Variants in ZNF714 observed in about 807,000 individuals in gnomAD.
ZNF714 encodes zinc finger protein 714.
In ZNF714, 32 loss-of-function variants were observed where a neutral mutation model predicts 46.2. That is an observed-to-expected ratio of 0.69 (90% CI 0.52 to 0.93). ZNF714 has a LOEUF of 0.93. Among genes scored for constraint, ZNF714 ranks in the 40% least tolerant of loss-of-function variants. ZNF714 has a pLI of 0.00. For synonymous variants in ZNF714, 199 were observed against 213.1 expected, an observed-to-expected ratio of 0.93 and a Z score of 0.58; for missense variants, 635 against 646.3, an observed-to-expected ratio of 0.98 and a Z score of 0.19.
intron 4 of ZNF714, among the ~76,000 whole-genome samples, chr19:21,103,581 A>G (rs1033013160): frequency 4.6e-5 from 7 of 151,948 alleles, no homozygotes; most frequent in Non-Finnish European, 7.4e-5. Context: ...AACAGTAAAA[A>G]CATATTAAAA....
chr19:21,112,254 C>T (rs558845141), intron 4 of ZNF714, among the ~76,000 whole-genome samples: 1 of 152,104 alleles, frequency 6.6e-6, no homozygotes, highest in East Asian at 1.9e-4. Flanking sequence ...TATTTGTTAC[C>T]GCCTCAGTGT....
rs1969759826 is a variant in ZNF714, at chr19:21,124,391, A to G, written c.*6059A>G. 6.6e-6 allele frequency among the ~76,000 whole-genome samples: 1 copy of G among 152,196 alleles called. No individual in the cohort carries two copies. Among genetic ancestry groups the G allele is most frequent in the African/African-American group, 2.4e-5 (1 of 41,454 alleles). Reference sequence around the variant, plus strand: ...AGAGTTCCTATGATTATGACTAAAAAATTAAATGACAATAGTCCCCAAACT... The same window carrying G: ...AGAGTTCCTATGATTATGACTAAAAGATTAAATGACAATAGTCCCCAAACT... On this transcript the variant is annotated 3_prime_UTR_variant, in exon 5 of 5. Coordinates refer to ENST00000456283, the MANE Select transcript of ZNF714 (RefSeq NM_182515.4).
chr19:21,116,571 C>T (rs1453842482), intron 4 of ZNF714, among the ~76,000 whole-genome samples: 1 of 152,050 alleles, frequency 6.6e-6, no homozygotes, highest in Non-Finnish European at 1.5e-5. Flanking sequence ...CTTTGCATTC[C>T]TGTGTACTCA....
At chr19:21,102,589 A>G (rs1599541958) in intron 4 of ZNF714, among the ~76,000 whole-genome samples, 1 of 152,182 alleles carries the variant, frequency 6.6e-6, no homozygotes, top group African/African-American at 2.4e-5. Context: ...AAATTATCAC[A>G]TTTCTTTTAC....
chr19:21,123,778 AT>A lies in ZNF714; in HGVS notation c.*5447del, dbSNP rs1382078906. 1 of 152,114 alleles carries A rather than the reference AT, an allele frequency of 6.6e-6. No homozygotes were observed. Among genetic ancestry groups the A allele is most frequent in the Non-Finnish European group, 1.5e-5 (1 of 68,036 alleles). 9.4% of individuals were successfully genotyped at this position (152,114 alleles called of 1,614,324 possible). A position where few individuals can be genotyped will look rare whatever the true frequency, so the allele number is the denominator to read the frequency against. On this transcript the variant is annotated 3_prime_UTR_variant, in exon 5 of 5. Coordinates refer to ENST00000456283, the MANE Select transcript of ZNF714 (RefSeq NM_182515.4). ...CTCTGAATTTAAAATTTAGAAAAAT[AT>A]GTCTTTTCTATATTGATTTTACAAT...
rs557153847 is a variant in ZNF714 at position 21,119,952 on chromosome 19, T to G, written c.*1620T>G. ...ATAATGATGTCATTCAACTCTGAAA[T>G]TCCTGCCGTTTCTTCATTCCTATTG... is the stretch of plus-strand genomic sequence containing the variant. On this transcript the variant is annotated 3_prime_UTR_variant, in exon 5 of 5. Transcript: ENST00000456283. The G allele has an allele frequency of 1.3e-5, 2 of 152,362 alleles. No individual in the cohort carries two copies. Among genetic ancestry groups the G allele is most frequent in the African/African-American group, 4.8e-5 (2 of 41,590 alleles). 9.4% of individuals were successfully genotyped at this position (152,362 alleles called of 1,614,324 possible). A position where few individuals can be genotyped will look rare whatever the true frequency, so the allele number is the denominator to read the frequency against.
At chr19:21,114,560 C>T (rs1296371824) in intron 4 of ZNF714, among the ~76,000 whole-genome samples, 2 of 151,942 alleles carry the variant, frequency 1.3e-5, no homozygotes, top group African/African-American at 4.8e-5. Context: ...AAGTGGGTCT[C>T]TTGAATACAG....
intron 4 of ZNF714, among the ~76,000 whole-genome samples, chr19:21,112,816 A>ATTTTTTGTTTTT (rs1969482257): frequency 2.3e-5 from 1 of 43,210 alleles, no homozygotes; most frequent in African/African-American, 7.7e-5. Context: ...TTTATTTCTG[A>ATTTTTTGTTTTT]TTTTTTTTTT....
At chr19:21,089,139 A>C (rs1458063639) in intron 2 of ZNF714, among the ~76,000 whole-genome samples, 1 of 152,114 alleles carries the variant, frequency 6.6e-6, no homozygotes, top group Admixed American at 6.5e-5. Context: ...CAGATAATGC[A>C]ATGCAAAACA....
intron 4 of ZNF714, chr19:21,113,163 C>G (rs1969499877): frequency 6.6e-6 from 1 of 152,168 alleles, no homozygotes; most frequent in Non-Finnish European, 1.5e-5. Context: ...GTGGTCTCCC[C>G]TCCAAGTCCC....
chr19:21,111,723 T>C (rs746281206), intron 4 of ZNF714, among the ~76,000 whole-genome samples: 4 of 152,212 alleles, frequency 2.6e-5, no homozygotes, highest in Non-Finnish European at 4.4e-5. Context: ...GAGTTTGTCA[T>C]AGATAGTTCT....
chr19:21,084,160 A>T, intron 2 of ZNF714, 91 bp downstream of exon 2: 1 of 426,656 alleles, frequency 2.3e-6, no homozygotes, highest in South Asian at 9.6e-5. Context: ...AAATAAATGT[A>T]GTGAAAGAAA....
chr19:21,088,748 T>C (rs1968842018), intron 2 of ZNF714, among the ~76,000 whole-genome samples: 1 of 152,198 alleles, frequency 6.6e-6, no homozygotes, highest in Admixed American at 6.5e-5. Flanking sequence ...TTGTAAGGTT[T>C]TTCTTTGTCA....
At chr19:21,089,761 T>A (rs1348146418) in intron 2 of ZNF714, among the ~76,000 whole-genome samples, 1 of 151,670 alleles carries the variant, frequency 6.6e-6, no homozygotes. Context: ...TACAACAGAT[T>A]TGTTACAGCT....
intron 4 of ZNF714, among the ~76,000 whole-genome samples, chr19:21,113,500 T>G (rs1969510891): frequency 1.0e-5 from 1 of 97,492 alleles, no homozygotes. Context: ...TTTTTTTCTT[T>G]TCTTTTTTCT....
In ZNF714 at chr19:21,104,711, C is replaced by G. The variant is rs189476146; in HGVS notation, c.142+5801C>G. 3.5e-3 allele frequency among the ~76,000 whole-genome samples: 525 copies of G among 151,962 alleles called. 4 individuals are homozygous for G. Among genetic ancestry groups the G allele is most frequent in the African/African-American group, 0.012 (497 of 41,462 alleles). ...CACTGCAACCTCCGCCTCCTGGATT[C>G]CAACAATTCTCCTGCCTCAGCCTCC... On this transcript the variant is annotated intron_variant, in intron 4 of 4. Coordinates refer to ENST00000456283, the MANE Select transcript of ZNF714 (RefSeq NM_182515.4).
rs200665308 is a variant in ZNF714, at chr19:21,084,267, C to CA, written c.-85+204dup. Among the ~76,000 whole-genome samples the CA allele has an allele frequency of 7.2e-3, 1,095 of 151,378 alleles. 15 individuals carry two copies. The highest frequency in any genetic ancestry group is 0.026 in the African/African-American group (1,067 of 41,244). ...AAATCAAGCAAACAAACAAAAAACACAAAAAACCTGACTCCAGCAGTCAGG... is the reference window on the plus strand; with the variant it reads ...AAATCAAGCAAACAAACAAAAAACACAAAAAAACCTGACTCCAGCAGTCAGG... On this transcript the variant is annotated intron_variant, in intron 2 of 4. Transcript: ENST00000456283.
Position 21,121,066 on chromosome 19 carries a change from C to A in ZNF714, c.*2734C>A, listed in dbSNP as rs1377628093. The A allele has an allele frequency of 1.3e-5, 2 of 152,184 alleles. No homozygotes were observed. Among genetic ancestry groups the A allele is most frequent in the Non-Finnish European group, 2.9e-5 (2 of 68,046 alleles). The allele number at this position is 152,184 out of a possible 1,614,324, so 9.4% of individuals were successfully genotyped here. A position where few individuals can be genotyped will look rare whatever the true frequency, so the allele number is the denominator to read the frequency against. On this transcript the variant is annotated 3_prime_UTR_variant, in exon 5 of 5. Transcript: ENST00000456283. ...GTTCTTGTTGTTGTTGAGACGGAGTCTCGCTCTGTCGCCCAGGCTGGAGTG... is the reference window on the plus strand; with the variant it reads ...GTTCTTGTTGTTGTTGAGACGGAGTATCGCTCTGTCGCCCAGGCTGGAGTG...
intron 4 of ZNF714, among the ~76,000 whole-genome samples, chr19:21,105,178 A>C (rs143329348): frequency 0.012 from 1,833 of 151,284 alleles, 21 homozygotes; most frequent in Middle Eastern, 0.024. Context: ...ATAGGTGCCT[A>C]CCACCATGCC....
Sources: gnomAD v4.1 joint callset for allele counts (sites outside exome capture counted in the v4.1 genomes callset) on GRCh38, gnomAD v4.1.1 for gene constraint, MANE v1.5 for transcripts, NCBI Gene and HGNC (gene_info 2026-07-23, HGNC 2026-07-21) for gene names.